Variants in ARID5B observed in about 807,000 individuals in gnomAD.
The protein encoded by ARID5B is AT-rich interaction domain 5B.
ARID5B carries 13 observed loss-of-function variants against 97.2 expected under a neutral mutation model. The ratio of observed to expected loss-of-function variants is 0.13; its 90% CI spans 0.09 to 0.21. The LOEUF (loss-of-function observed/expected upper bound fraction) is 0.21, where lower values mean the gene tolerates loss of function less well. Ranked by LOEUF, ARID5B falls within the 10% of genes least tolerant of loss-of-function variation. The pLI is 1.00. For synonymous variants in ARID5B, 556 were observed against 570.3 expected, an observed-to-expected ratio of 0.97 and a Z score of 0.36; for missense variants, 1,210 against 1,465.3, an observed-to-expected ratio of 0.83 and a Z score of 2.84.
intron 4 of ARID5B, among the ~76,000 whole-genome samples, chr10:62,002,029 G>A (rs990720233): frequency 1.3e-5 from 2 of 152,032 alleles, no homozygotes; most frequent in African/African-American, 4.8e-5. Context: ...CTTCCTACTT[G>A]CCGCTCAAGA....
rs1036501135 is a variant in ARID5B, at chr10:62,003,226, G to A, written c.733+2905G>A. Among the ~76,000 whole-genome samples the A allele has an allele frequency of 6.6e-5, 10 of 152,178 alleles. No individual in the cohort carries two copies. In the East Asian group the frequency reaches 1.9e-3, roughly 29 times the overall value. On this transcript the variant is annotated intron_variant, in intron 4 of 9. Transcript: ENST00000279873. Reference sequence around the variant, plus strand: ...GTTTTGAGAATTTAAAATCTAATTGGGGAAGACAGGATTAACACACCTGAA... The same window carrying A: ...GTTTTGAGAATTTAAAATCTAATTGAGGAAGACAGGATTAACACACCTGAA...
intron 4 of ARID5B, among the ~76,000 whole-genome samples, chr10:62,008,274 A>G (rs530289660): frequency 2.7e-4 from 41 of 152,284 alleles, no homozygotes; most frequent in African/African-American, 9.6e-4. Context: ...TGTTTCACAG[A>G]TAAGGACACT....
Position 62,092,430 on chromosome 10 carries a change from G to C in ARID5B, c.2967G>C (p.Met989Ile), listed in dbSNP as rs960830410. ...TGAGACTGGAGAATTTCAGGAAGAT[G>C]GAAGGCATGGTCCACCCAATCCTGC... The part of the protein sequence containing the change: ...HHVRLENFRK[M>I]EGMVHPILHR... Residue 989 changes from methionine to isoleucine, a missense_variant, in exon 10 of 10, where the codon ATG (methionine) becomes ATC (isoleucine). Physicochemically the swap from Met to Ile is conservative, Grantham distance 10 (BLOSUM62 1). This residue lies in a region of ARID5B where 800 missense variants were observed against 839.1 expected (regional missense o/e 0.95). Coordinates refer to ENST00000279873, the MANE Select transcript of ARID5B (RefSeq NM_032199.3). The C allele has an allele frequency of 6.2e-7, 1 of 1,614,226 alleles. No homozygotes were observed. Among genetic ancestry groups the C allele is most frequent in the Admixed American group, 1.7e-5 (1 of 60,030 alleles).
chr10:62,053,744 A>G (rs748297533), intron 5 of ARID5B, among the ~76,000 whole-genome samples: 3 of 152,366 alleles, frequency 2.0e-5, no homozygotes, highest in Non-Finnish European at 4.4e-5. Flanking sequence ...ATATTCTAAA[A>G]GGAACACAAA....
intron 2 of ARID5B, among the ~76,000 whole-genome samples, chr10:61,915,302 G>A (rs142664444): frequency 1.1e-4 from 16 of 152,300 alleles, no homozygotes; most frequent in African/African-American, 3.6e-4. Context: ...TGGGGACCAC[G>A]CATAGTATAT....
intron 3 of ARID5B, among the ~76,000 whole-genome samples, chr10:61,953,135 T>C (rs1838346128): frequency 6.6e-6 from 1 of 152,216 alleles, no homozygotes. Flanking sequence ...TCCCTTAAAA[T>C]GGTTGCTTGC....
intron 4 of ARID5B, chr10:62,047,093 GT>G (rs1231763681): frequency 6.6e-6 from 1 of 152,180 alleles, no homozygotes; most frequent in African/African-American, 2.4e-5. Context: ...CCAGTTGCCT[GT>G]GTTGAAATCC....
intron 3 of ARID5B, among the ~76,000 whole-genome samples, chr10:61,981,343 G>A (rs980820812): frequency 2.0e-5 from 3 of 152,010 alleles, no homozygotes; most frequent in South Asian, 2.1e-4. Context: ...GTGCAGTGGC[G>A]CACTTTCCAC....
intron 7 of ARID5B, among the ~76,000 whole-genome samples, 195 bp downstream of exon 7, chr10:62,059,490 C>G (rs182544535): frequency 7.5e-4 from 114 of 152,174 alleles, no homozygotes; most frequent in African/African-American, 2.6e-3. Context: ...GTAAACTTGT[C>G]GTAAAAACTA....
chr10:61,980,595 T>A (rs917757490), intron 3 of ARID5B, among the ~76,000 whole-genome samples: 3 of 152,220 alleles, frequency 2.0e-5, no homozygotes, highest in African/African-American at 4.8e-5. Flanking sequence ...ATGAAATGAA[T>A]TGTATTATAA....
In ARID5B at chr10:62,091,690, C is replaced by T; in HGVS notation, c.2227C>T (p.His743Tyr). The change falls in exon 10 of 10, where the codon CAT (histidine) becomes TAT (tyrosine). Residue 743 changes from histidine (H) to tyrosine (Y), a missense_variant. By Grantham distance (83) the His-to-Tyr change is moderately conservative. Around this residue, in one of 8 missense-constraint regions of ARID5B, gnomAD observed 800 missense variants for 839.1 expected, o/e 0.95. Transcript: ENST00000279873. Reference protein sequence around the residue: ...SQTHHGQSTDHMAVSRPSVIQ... With the variant: ...SQTHHGQSTDYMAVSRPSVIQ... Reference sequence around the variant, plus strand: ...GACCCACCATGGCCAAAGCACTGACCATATGGCGGTCAGCCGGCCATCAGT... The same window carrying T: ...GACCCACCATGGCCAAAGCACTGACTATATGGCGGTCAGCCGGCCATCAGT... 6.2e-7 allele frequency: 1 copy of T among 1,614,172 alleles called. No individual in the cohort carries two copies. The highest frequency in any genetic ancestry group is 8.5e-7 in the Non-Finnish European group (1 of 1,180,028).
intron 3 of ARID5B, among the ~76,000 whole-genome samples, chr10:61,975,654 T>C (rs1373248713): frequency 2.0e-5 from 3 of 152,204 alleles, no homozygotes; most frequent in African/African-American, 7.2e-5. Context: ...TTTATAAGTA[T>C]TAAATGGTCT....
chr10:62,008,198 A>G, intron 4 of ARID5B, among the ~76,000 whole-genome samples: 1 of 152,162 alleles, frequency 6.6e-6, no homozygotes, highest in Non-Finnish European at 1.5e-5. Context: ...TAGTAGCTGT[A>G]GTAAATATTG....
intron 3 of ARID5B, among the ~76,000 whole-genome samples, chr10:61,987,190 C>G: frequency 6.6e-6 from 1 of 152,138 alleles, no homozygotes; most frequent in East Asian, 1.9e-4. Context: ...CAAGCAGAAG[C>G]CAGCCAGCCC....
intron 3 of ARID5B, among the ~76,000 whole-genome samples, chr10:61,962,786 A>G (rs1392091898): frequency 6.6e-6 from 1 of 152,236 alleles, no homozygotes; most frequent in Non-Finnish European, 1.5e-5. Context: ...ACCTTCATCC[A>G]TCGACTAACA....
chr10:62,067,148 C>T (rs1289557126), intron 7 of ARID5B, among the ~76,000 whole-genome samples: 7 of 151,766 alleles, frequency 4.6e-5, no homozygotes, highest in African/African-American at 7.3e-5. Context: ...TGCAATGGCG[C>T]GATCTCAGCT....
chr10:61,996,096 A>C (rs995007762), intron 3 of ARID5B, among the ~76,000 whole-genome samples: 1 of 152,154 alleles, frequency 6.6e-6, no homozygotes, highest in South Asian at 2.1e-4. Flanking sequence ...CAACACATAG[A>C]GTTGGGACTA....
chr10:62,091,716 G>C lies in ARID5B; in HGVS notation c.2253G>C (p.Val751=). 6.2e-7 allele frequency: 1 copy of C among 1,614,132 alleles called. No individual in the cohort carries two copies. The highest frequency in any genetic ancestry group is 1.1e-5 in the South Asian group (1 of 91,082). ...ATATGGCGGTCAGCCGGCCATCAGT[G>C]ATTCAGCACGTCCAGAGTTTCAGAA... is the stretch of plus-strand genomic sequence containing the variant. ...TDHMAVSRPS[V]IQHVQSFRSK... is the part of the protein sequence containing the mutation. The change falls in exon 10 of 10, where the codon GTG becomes GTC. Residue 751 remains valine (V), a synonymous_variant. Transcript: ENST00000279873.
At chr10:62,068,190 T>C (rs1021291520) in intron 7 of ARID5B, among the ~76,000 whole-genome samples, 1 of 152,206 alleles carries the variant, frequency 6.6e-6, no homozygotes, top group Non-Finnish European at 1.5e-5. Flanking sequence ...TTTTGAGTGT[T>C]TTGAAAGGGC....
Sources: allele counts gnomAD v4.1 joint callset (sites outside exome capture counted in the v4.1 genomes callset), GRCh38; gene constraint gnomAD v4.1.1; regional missense constraint gnomAD v4.1.1; transcripts MANE v1.5; gene names NCBI Gene and HGNC (gene_info 2026-07-23, HGNC 2026-07-21).